MCCC2: variants seen among roughly 807,000 people sequenced by gnomAD.
The protein encoded by MCCC2 is methylcrotonyl-CoA carboxylase subunit 2, also known as methylcrotonoyl-CoA carboxylase beta chain, mitochondrial.
MCCC2 carries 52 observed loss-of-function variants against 77.2 expected under a neutral mutation model. That is an observed-to-expected ratio of 0.67 (90% CI 0.54 to 0.85). The LOEUF is 0.85. Among genes scored for constraint, MCCC2 ranks in the 40% least tolerant of loss-of-function variants. The pLI is 0.00. For synonymous variants in MCCC2, 253 were observed against 248.4 expected (o/e 1.02, Z -0.18); for missense variants, 682 against 703.2 (o/e 0.97, Z 0.34).
chr5:71,607,349 C>G (rs1277161647), intron 6 of MCCC2, among the ~76,000 whole-genome samples: 4 of 151,906 alleles, frequency 2.6e-5, no homozygotes, highest in Non-Finnish European at 5.9e-5. Context: ...TCTAGATTTT[C>G]TAGTTTATTT....
At chr5:71,655,376 A>G (rs1267532395) in intron 16 of MCCC2, among the ~76,000 whole-genome samples, 1 of 152,212 alleles carries the variant, frequency 6.6e-6, no homozygotes, top group African/African-American at 2.4e-5. Flanking sequence ...TAATCCTAAT[A>G]GGTTACATAT....
chr5:71,629,203 C>CA (rs11461767), intron 7 of MCCC2, among the ~76,000 whole-genome samples: 64,529 of 138,906 alleles, frequency 0.46, 14,283 homozygotes, highest in South Asian at 0.49. Context: ...GACTCCATCT[C>CA]AAAAAAAAAA....
chr5:71,644,747 T>C lies in MCCC2; in HGVS notation c.1149+852T>C, dbSNP rs73763909. Among the ~76,000 whole-genome samples, 806 of 152,260 alleles carry C rather than the reference T, an allele frequency of 5.3e-3. 10 individuals carry two copies. The highest frequency in any genetic ancestry group is 0.018 in the African/African-American group (764 of 41,588). ...AAGTTCTCTTTATTGATGCAGGTAA[T>C]AGGCAGTTAAGCTCTTTCATACCCT... On this transcript the variant is annotated intron_variant, in intron 12 of 16. Transcript: ENST00000340941.
intron 9 of MCCC2, 47 bp downstream of exon 9, chr5:71,635,089 T>G (rs1414208922): frequency 1.2e-6 from 2 of 1,612,610 alleles, no homozygotes; most frequent in African/African-American, 2.7e-5. Context: ...GAAATGCATT[T>G]TGACTCACTG....
At chr5:71,644,984 T>G (rs1203297407) in intron 12 of MCCC2, among the ~76,000 whole-genome samples, 1 of 152,164 alleles carries the variant, frequency 6.6e-6, no homozygotes, top group African/African-American at 2.4e-5. Context: ...TTTAAAAAAT[T>G]GATATGCTAT....
chr5:71,625,920 ATACTT>A (rs1746515299), intron 6 of MCCC2, among the ~76,000 whole-genome samples: 1 of 152,214 alleles, frequency 6.6e-6, no homozygotes, highest in African/African-American at 2.4e-5. Context: ...TATTCATTAT[ATACTT>A]TATTTTTCCT....
intron 16 of MCCC2, among the ~76,000 whole-genome samples, chr5:71,654,086 C>T (rs567379959): frequency 1.6e-3 from 236 of 152,240 alleles, no homozygotes; most frequent in African/African-American, 5.4e-3. Context: ...CAATCTCTGC[C>T]TCCCGGACTC....
intron 8 of MCCC2, among the ~76,000 whole-genome samples, chr5:71,633,110 TATATATATATA>T (rs1746784507): frequency 7.6e-5 from 2 of 26,190 alleles, no homozygotes; most frequent in African/African-American, 1.7e-4. Context: ...TATATATATA[TATATATATATA>T]TATATATATA....
rs2112479211 is a variant in MCCC2, at chr5:71,657,492, T to C, written c.*632T>C. 6.6e-6 allele frequency: 1 copy of C among 151,738 alleles called. No homozygotes were observed. Among genetic ancestry groups the C allele is most frequent in the Middle Eastern group, 3.4e-3 (1 of 298 alleles). The allele number at this position is 151,738 out of a possible 1,614,324, so 9.4% of individuals were successfully genotyped here. A position where few individuals can be genotyped will look rare whatever the true frequency, so the allele number is the denominator to read the frequency against. On this transcript the variant is annotated 3_prime_UTR_variant, in exon 17 of 17. Transcript: ENST00000340941. The stretch of plus-strand genomic sequence containing the variant: ...CCCAGGCTGGAGTGCGGTGGTGTGA[T>C]CTCGGCTCACTGCAGCTTCCACCTC...
chr5:71,611,741 G>A (rs1456627290), intron 6 of MCCC2, among the ~76,000 whole-genome samples: 1 of 152,052 alleles, frequency 6.6e-6, no homozygotes, highest in Non-Finnish European at 1.5e-5. Context: ...GATGAGGTAG[G>A]AGGTAGATAG....
intron 11 of MCCC2, 104 bp from the exon 12 acceptor site, chr5:71,643,715 A>G: frequency 1.2e-6 from 2 of 1,608,548 alleles, no homozygotes. Context: ...TTGCATTTTA[A>G]ACTTGGATCT....
intron 10 of MCCC2, chr5:71,636,111 T>A (rs761695313): frequency 2.4e-6 from 1 of 419,234 alleles, no homozygotes; most frequent in Non-Finnish European, 4.8e-6. Flanking sequence ...TAGAAATTCT[T>A]CATGAAATAT....
In MCCC2 at chr5:71,587,451, T is replaced by G; in HGVS notation, c.26T>G (p.Leu9Arg). Reference protein sequence around the residue: MWAVLRLALRPCARASPAG... With the variant: MWAVLRLARRPCARASPAG... The stretch of plus-strand genomic sequence containing the variant: ...ATGTGGGCCGTCCTGAGGTTAGCCC[T>G]GCGGCCGTGTGCCCGCGCCTCTCCC... Residue 9 changes from leucine (L) to arginine (R), a missense_variant, in exon 1 of 17, where the codon CTG becomes CGG. Physicochemically the swap from Leu to Arg is moderately radical, Grantham distance 102 (BLOSUM62 -2). Transcript: ENST00000340941. 2 of 1,534,932 alleles carry G rather than the reference T, an allele frequency of 1.3e-6. No homozygotes were observed. The highest frequency in any genetic ancestry group is 1.7e-6 in the Non-Finnish European group (2 of 1,146,078).
chr5:71,616,617 A>C (rs893883481), intron 6 of MCCC2, among the ~76,000 whole-genome samples: 2 of 151,682 alleles, frequency 1.3e-5, no homozygotes, highest in South Asian at 2.1e-4. Flanking sequence ...AACTTCCCCT[A>C]CTCATTTGTT....
intron 7 of MCCC2, 103 bp downstream of exon 7, chr5:71,626,856 A>T: frequency 1.9e-6 from 2 of 1,079,646 alleles, no homozygotes; most frequent in Non-Finnish European, 1.4e-6. Context: ...GTGATAAAAT[A>T]TGCATAACAT....
At chr5:71,621,751 G>C (rs1039440974) in intron 6 of MCCC2, among the ~76,000 whole-genome samples, 1 of 151,872 alleles carries the variant, frequency 6.6e-6, no homozygotes, top group African/African-American at 2.4e-5. Context: ...CTGGGAATGG[G>C]AGTAGAGGTT....
At position 71,649,077 on chromosome 5, in the gene MCCC2, C is replaced by T. The variant is rs1747355578; in HGVS notation, c.1217-20C>T. The T allele has an allele frequency of 6.2e-7, 1 of 1,614,112 alleles. No homozygotes were observed. Among genetic ancestry groups the T allele is most frequent in the Non-Finnish European group, 8.5e-7 (1 of 1,179,906 alleles). On this transcript the variant is annotated intron_variant, in intron 13 of 16. Coordinates refer to ENST00000340941, the MANE Select transcript of MCCC2 (RefSeq NM_022132.5). The stretch of plus-strand genomic sequence containing the variant: ...ATTAATCCCATCACCCAGAGGCTCT[C>T]TTTCTGATCTTTCTCTCAGGATTTA...
chr5:71,637,873 T>C (rs1746983885), intron 10 of MCCC2, among the ~76,000 whole-genome samples: 2 of 152,116 alleles, frequency 1.3e-5, no homozygotes, highest in Admixed American at 1.3e-4. Flanking sequence ...CCACTGCGCC[T>C]GGCTAATTTT....
rs1191528279 is a variant in MCCC2, at chr5:71,641,028, G to A, written c.1025G>A (p.Ser342Asn). The change falls in exon 11 of 17, where the codon AGC becomes AAC. Residue 342 changes from serine to asparagine, a missense_variant. Ser to Asn is a conservative substitution (Grantham distance 46, BLOSUM62 1). Transcript: ENST00000340941. ...GTCATTGCTAGAATCGTGGATGGAA[G>A]CAGATTCACTGAGTTCAAAGCCTTT... ...REVIARIVDG[S>N]RFTEFKAFYG... The A allele has an allele frequency of 6.2e-7, 1 of 1,614,052 alleles. No homozygotes were observed. The highest frequency in any genetic ancestry group is 2.2e-5 in the East Asian group (1 of 44,862).
Sources: gnomAD v4.1 joint callset for allele counts (sites outside exome capture counted in the v4.1 genomes callset) on GRCh38, gnomAD v4.1.1 for gene constraint, MANE v1.5 for transcripts, NCBI Gene and HGNC (gene_info 2026-07-23, HGNC 2026-07-21) for gene names.